The following RAD21L1 variants were observed in gnomAD, a reference collection of about 807,000 sequenced individuals.
RAD21L1 encodes double-strand-break repair protein rad21-like protein 1.
In RAD21L1, 47 loss-of-function variants were observed where a neutral mutation model predicts 69.0. That is an observed-to-expected ratio of 0.68 (90% confidence interval 0.54 to 0.87). The LOEUF (loss-of-function observed/expected upper bound fraction) is 0.87, where lower values mean the gene tolerates loss of function less well. Ranked by LOEUF, RAD21L1 falls within the 40% of genes least tolerant of loss-of-function variation. The probability of loss-of-function intolerance (pLI) is 0.00; values close to 1 mark genes in which losing one functional copy is unlikely to be tolerated. For missense variants in RAD21L1, 583 were observed against 647.6 expected, an observed-to-expected ratio of 0.90 and a Z score of 1.08; for synonymous variants, 177 against 205.8, an observed-to-expected ratio of 0.86 and a Z score of 1.20.
At chr20:1,231,678 C>A in intron 4 of RAD21L1, 59 bp downstream of exon 4, 2 of 873,226 alleles carry the variant, frequency 2.3e-6, no homozygotes, top group Non-Finnish European at 3.6e-6. Context: ...TTTTTATATT[C>A]AAATTTAATT....
chr20:1,242,343 C>G lies in RAD21L1; in HGVS notation c.857-276C>G, dbSNP rs376028750. On this transcript the variant is annotated intron_variant, in intron 8 of 13. Transcript: ENST00000683101. ...TGCCACTCAGGCTCAAGGGATCCAC[C>G]CATCTCAGCCTCCTGAGTAGCTGGG... 3.3e-5 allele frequency among the ~76,000 whole-genome samples: 5 copies of G among 152,262 alleles called. No homozygotes were observed. The East Asian group carries it at 9.7e-4, about 29-fold the overall frequency.
intron 5 of RAD21L1, 43 bp from the exon 6 acceptor site, chr20:1,238,001 C>G: frequency 7.3e-6 from 8 of 1,097,720 alleles, no homozygotes; most frequent in Non-Finnish European, 1.0e-5. Flanking sequence ...CCCTATAATT[C>G]TGTGTTTCTA....
intron 10 of RAD21L1, among the ~76,000 whole-genome samples, chr20:1,243,430 G>A (rs1044088866): frequency 1.3e-5 from 2 of 152,086 alleles, no homozygotes; most frequent in African/African-American, 4.8e-5. Context: ...TATATACTAT[G>A]TAAACCATTC....
At chr20:1,248,757 C>T in intron 13 of RAD21L1, 54 bp downstream of exon 13, 1 of 1,045,336 alleles carries the variant, frequency 9.6e-7, no homozygotes, top group Non-Finnish European at 1.4e-6. Flanking sequence ...TAAGTAAATA[C>T]TGACTTCAAG....
At position 1,254,337 on chromosome 20, in the gene RAD21L1, A is replaced by G; in HGVS notation, c.1548A>G (p.Gln516=). 3.9e-6 allele frequency: 6 copies of G among 1,551,374 alleles called. No homozygotes were observed. The highest frequency in any genetic ancestry group is 5.2e-6 in the Non-Finnish European group (6 of 1,146,818). Residue 516 remains glutamine, a synonymous_variant, in exon 14 of 14, where the codon CAA becomes CAG. Transcript: ENST00000683101. ...MKLCRNSDRK[Q]AAAKFYSFLV... is the part of the protein sequence containing the mutation. ...TCTGTAGAAATAGTGACCGAAAACA[A>G]GCAGCTGCCAAATTTTATAGCTTTC... is the stretch of plus-strand genomic sequence containing the variant.
intron 1 of RAD21L1, among the ~76,000 whole-genome samples, chr20:1,227,728 T>G (rs903030752): frequency 6.6e-6 from 1 of 152,220 alleles, no homozygotes; most frequent in Non-Finnish European, 1.5e-5. Flanking sequence ...CTCTTTGTTT[T>G]AAGTGAAGGT....
chr20:1,254,005 C>A (rs902184873), intron 13 of RAD21L1, among the ~76,000 whole-genome samples: 1 of 152,146 alleles, frequency 6.6e-6, no homozygotes, highest in African/African-American at 2.4e-5. Context: ...TTTAAAAAGG[C>A]CTATCATTTG....
intron 13 of RAD21L1, among the ~76,000 whole-genome samples, chr20:1,249,538 T>C (rs1265401301): frequency 6.6e-6 from 1 of 152,204 alleles, no homozygotes; most frequent in Non-Finnish European, 1.5e-5. Context: ...CCAAAATGGC[T>C]AACTACCCAC....
At chr20:1,251,060 T>G (rs1357607129) in intron 13 of RAD21L1, among the ~76,000 whole-genome samples, 1 of 152,192 alleles carries the variant, frequency 6.6e-6, no homozygotes, top group Non-Finnish European at 1.5e-5. Context: ...AATTTTTTAG[T>G]GGTTAACATC....
In RAD21L1 at chr20:1,242,711, T is replaced by C; in HGVS notation, c.949T>C (p.Ser317Pro). The C allele has an allele frequency of 6.4e-7, 1 of 1,551,580 alleles. No homozygotes were observed. The highest frequency in any genetic ancestry group is 8.7e-7 in the Non-Finnish European group (1 of 1,146,858). The change falls in exon 9 of 14, where the codon TCC (serine) becomes CCC (proline). Residue 317 changes from serine (S) to proline (P), a missense_variant. By Grantham distance (74) the Ser-to-Pro change is moderately conservative (BLOSUM62 -1). Transcript: ENST00000683101. ...SSKVIHKQLT[S>P]FADTLMVLEL... is the part of the protein sequence containing the mutation. ...CAAAGTTATACATAAACAGCTTACT[T>C]CCTTTGCGGACACACTCATGGTTTT... is the stretch of plus-strand genomic sequence containing the variant.
intron 1 of RAD21L1, chr20:1,226,469 G>C (rs1375635604): frequency 1.3e-5 from 2 of 152,774 alleles, no homozygotes; most frequent in Middle Eastern, 6.8e-3. Flanking sequence ...GCCCCTGAGC[G>C]TGGCCGTCAG....
intron 1 of RAD21L1, among the ~76,000 whole-genome samples, chr20:1,227,278 C>A (rs575352279): frequency 6.6e-6 from 1 of 152,220 alleles, no homozygotes; most frequent in African/African-American, 2.4e-5. Context: ...GGAATTTATT[C>A]CGAGAGAGCG....
chr20:1,254,124 A>C, intron 13 of RAD21L1, 145 bp from the exon 14 acceptor site: 1 of 556,996 alleles, frequency 1.8e-6, no homozygotes, highest in Non-Finnish European at 3.1e-6. Flanking sequence ...TTTACTAAGG[A>C]GTCATTTCCC....
chr20:1,250,815 G>T (rs1391516464), intron 13 of RAD21L1, among the ~76,000 whole-genome samples: 1 of 152,042 alleles, frequency 6.6e-6, no homozygotes, highest in African/African-American at 2.4e-5. Context: ...TTATGGTTTT[G>T]TAATATTTTA....
intron 10 of RAD21L1, 70 bp from the exon 11 acceptor site, chr20:1,243,976 T>C: frequency 7.3e-7 from 1 of 1,374,632 alleles, no homozygotes; most frequent in South Asian, 1.4e-5. Context: ...TTTCTTTTGT[T>C]ACAACCATAT....
chr20:1,249,857 CT>C (rs773502076), intron 13 of RAD21L1, among the ~76,000 whole-genome samples: 4 of 150,676 alleles, frequency 2.7e-5, no homozygotes, highest in Non-Finnish European at 4.4e-5. Context: ...CATTTTTTTT[CT>C]TTTTTTTATT....
At position 1,242,729 on chromosome 20, in the gene RAD21L1, A is replaced by G. The variant is rs1220210174; in HGVS notation, c.967A>G (p.Met323Val). The G allele has an allele frequency of 5.2e-6, 8 of 1,551,522 alleles. No homozygotes were observed. The African/African-American group carries it at 5.5e-5, about 11-fold the overall frequency. The change falls in exon 9 of 14, where the codon ATG becomes GTG. Residue 323 changes from methionine to valine, a missense_variant. Physicochemically the swap from Met to Val is conservative, Grantham distance 21 (BLOSUM62 1). Coordinates refer to ENST00000683101, the MANE Select transcript of RAD21L1 (RefSeq NM_001384355.1). Reference protein sequence around the residue: ...KQLTSFADTLMVLELAPPTQR... With the variant: ...KQLTSFADTLVVLELAPPTQR... ...GCTTACTTCCTTTGCGGACACACTC[A>G]TGGTTTTGGAACTTGCACCTCCTAC...
chr20:1,239,287 A>G, intron 6 of RAD21L1, 25 bp from the exon 7 acceptor site: 3 of 1,308,524 alleles, frequency 2.3e-6, no homozygotes, highest in Non-Finnish European at 3.2e-6. Flanking sequence ...GTCTGTATGA[A>G]AAAATATTCA....
chr20:1,239,268 C>A, intron 6 of RAD21L1, 44 bp from the exon 7 acceptor site: 1 of 1,057,696 alleles, frequency 9.5e-7, no homozygotes, highest in Non-Finnish European at 1.4e-6. Context: ...GAACAAATGA[C>A]AGATTCCAGT....
Sources: gnomAD v4.1 joint callset for allele counts (sites outside exome capture counted in the v4.1 genomes callset) on GRCh38, gnomAD v4.1.1 for gene constraint, MANE v1.5 for transcripts, NCBI Gene and HGNC (gene_info 2026-07-23, HGNC 2026-07-21) for gene names.